The following IFT140 variants were observed in gnomAD, a reference collection of about 807,000 sequenced individuals.
IFT140 encodes intraflagellar transport protein 140 homolog.
A neutral mutation model predicts 164.6 loss-of-function variants in IFT140; 133 were observed. The observed-to-expected ratio is 0.81, with a 90% confidence interval of 0.70 to 0.93. The LOEUF (loss-of-function observed/expected upper bound fraction) is 0.93, where lower values mean the gene tolerates loss of function less well. Ranked by LOEUF, IFT140 falls within the 40% of genes least tolerant of loss-of-function variation. The pLI, the probability that IFT140 is intolerant of heterozygous loss-of-function variation, is 0.00. For synonymous variants in IFT140, 860 were observed against 817.3 expected (o/e 1.05, Z -0.89); for missense variants, 2,045 against 1,972.3 (o/e 1.04, Z -0.70).
intron 15 of IFT140, among the ~76,000 whole-genome samples, chr16:1,567,809 C>A (rs2033800457): frequency 6.6e-6 from 1 of 152,242 alleles, no homozygotes. Flanking sequence ...ACACCAACAT[C>A]ACCCTGCCTC....
intron 11 of IFT140, 132 bp from the exon 12 acceptor site, chr16:1,583,518 G>A: frequency 1.5e-6 from 1 of 663,980 alleles, no homozygotes; most frequent in Admixed American, 2.7e-5. Context: ...ACGACTATGA[G>A]ATCACTGGGT....
rs1170075614 is a variant in IFT140 at position 1,525,947 on chromosome 16, G to C, written c.2708C>G (p.Thr903Ser). ...EHHDRVHLRS[T>S]YHRYAGHLEA... ...CAGGTGCCCGGCATAGCGGTGGTAG[G>C]TGCTGCGCAGGTGCACGCGATCGTG... The change falls in exon 21 of 31, where the codon ACC becomes AGC. Residue 903 changes from threonine (T) to serine (S), a missense_variant. Thr to Ser is a moderately conservative substitution (Grantham distance 58, BLOSUM62 1). Coordinates refer to ENST00000426508, the MANE Select transcript of IFT140 (RefSeq NM_014714.4). 2.5e-6 allele frequency: 4 copies of C among 1,578,522 alleles called. No homozygotes were observed. The highest frequency in any genetic ancestry group is 3.4e-6 in the Non-Finnish European group (4 of 1,163,764).
intron 20 of IFT140, chr16:1,526,381 C>T: frequency 1.7e-6 from 1 of 582,854 alleles, no homozygotes; most frequent in East Asian, 3.0e-5. Flanking sequence ...CTCTCGGGCG[C>T]TCTGTTCCAG....
At chr16:1,568,844 T>C (rs777809180) in intron 14 of IFT140, among the ~76,000 whole-genome samples, 21 of 152,234 alleles carry the variant, frequency 1.4e-4, no homozygotes, top group Non-Finnish European at 1.5e-5. Flanking sequence ...CCGCGATTTT[T>C]CGTAGCACGT....
intron 6 of IFT140, among the ~76,000 whole-genome samples, chr16:1,591,591 A>G (rs1395065639): frequency 1.3e-5 from 2 of 152,172 alleles, no homozygotes; most frequent in African/African-American, 4.8e-5. Flanking sequence ...ACATGGCTGT[A>G]AGAGATGCGC....
intron 19 of IFT140, chr16:1,541,434 C>G: frequency 1.0e-6 from 1 of 985,412 alleles, no homozygotes; most frequent in African/African-American, 1.7e-5. Context: ...GCTTGGGGGT[C>G]GGGCAGCTGA....
At chr16:1,542,221 A>G in intron 19 of IFT140, 1 of 879,792 alleles carries the variant, frequency 1.1e-6, no homozygotes, top group East Asian at 3.0e-5. Flanking sequence ...GAGAAGCCCC[A>G]TGGGGCATCC....
chr16:1,593,321 T>C (rs1455152095), intron 4 of IFT140, among the ~76,000 whole-genome samples: 1 of 152,134 alleles, frequency 6.6e-6, no homozygotes, highest in East Asian at 1.9e-4. Context: ...TAAACTTTTT[T>C]TTTTTTTTGA....
chr16:1,574,667 T>C (rs981733957), intron 13 of IFT140, among the ~76,000 whole-genome samples: 56 of 152,190 alleles, frequency 3.7e-4, no homozygotes, highest in African/African-American at 1.3e-3. Flanking sequence ...CAACCCCAAC[T>C]GCCCTCAGGG....
intron 2 of IFT140, among the ~76,000 whole-genome samples, chr16:1,609,354 C>T (rs1386005253): frequency 6.6e-6 from 1 of 152,110 alleles, no homozygotes; most frequent in Admixed American, 6.5e-5. Flanking sequence ...TTCAAGGTTC[C>T]CCCCGGCTTT....
chr16:1,611,503 AAAG>A (rs1238501865), intron 1 of IFT140, among the ~76,000 whole-genome samples: 2 of 150,160 alleles, frequency 1.3e-5, no homozygotes, highest in African/African-American at 2.5e-5. Context: ...AAAAAAAAAA[AAAG>A]AAAAGAAAAA....
intron 4 of IFT140, among the ~76,000 whole-genome samples, chr16:1,601,918 G>C (rs569074218): frequency 1.3e-5 from 2 of 152,180 alleles, no homozygotes; most frequent in South Asian, 2.1e-4. Flanking sequence ...GCACCATGTC[G>C]CTATGCTGTG....
At chr16:1,588,804 T>G (rs1275240642) in intron 7 of IFT140, among the ~76,000 whole-genome samples, 1 of 152,108 alleles carries the variant, frequency 6.6e-6, no homozygotes, top group Non-Finnish European at 1.5e-5. Context: ...TAACCCCCAG[T>G]GCAACTGTAC....
chr16:1,524,665 G>A lies in IFT140; in HGVS notation c.3028C>T (p.Leu1010=). 5.1e-6 allele frequency: 8 copies of A among 1,578,590 alleles called. No individual in the cohort carries two copies. Among genetic ancestry groups the A allele is most frequent in the Non-Finnish European group, 6.9e-6 (8 of 1,157,356 alleles). ...CGGGCGAGGTGGTAGGAGGCCGCCA[G>A]GTTTCCTGTCTCGTTGGCTATTTGC... ...AAQIANETGN[L]AASYHLARQY... is the part of the protein sequence containing the mutation. The change falls in exon 24 of 31, where the codon CTG becomes TTG. Residue 1010 remains leucine (L), a synonymous_variant. Coordinates refer to ENST00000426508, the MANE Select transcript of IFT140 (RefSeq NM_014714.4).
chr16:1,579,438 A>T (rs573731245), intron 13 of IFT140: 1 of 152,374 alleles, frequency 6.6e-6, no homozygotes, highest in East Asian at 1.9e-4. Flanking sequence ...GGCAAGGTGG[A>T]AGAGCTGGAG....
chr16:1,515,785 A>G (rs2040317663), intron 30 of IFT140, among the ~76,000 whole-genome samples: 1 of 152,230 alleles, frequency 6.6e-6, no homozygotes, highest in Non-Finnish European at 1.5e-5. Context: ...AAAATTCATC[A>G]TCAGGAGATC....
chr16:1,543,391 C>T (rs189059543), intron 19 of IFT140, among the ~76,000 whole-genome samples: 187 of 152,330 alleles, frequency 1.2e-3, no homozygotes, highest in Middle Eastern at 3.4e-3. Flanking sequence ...GTGCCCTGAG[C>T]GAGTCAGGCC....
chr16:1,545,313 A>G (rs1386510672), intron 19 of IFT140, among the ~76,000 whole-genome samples: 1 of 151,658 alleles, frequency 6.6e-6, no homozygotes, highest in East Asian at 2.0e-4. Context: ...AGCAGCACCA[A>G]GAGGGCCCCT....
chr16:1,547,563 G>A (rs549802211), intron 19 of IFT140, among the ~76,000 whole-genome samples: 2 of 152,090 alleles, frequency 1.3e-5, no homozygotes, highest in African/African-American at 2.4e-5. Context: ...TCGAGATAGG[G>A]TCTCACTCCG....
Sources: allele counts gnomAD v4.1 joint callset (sites outside exome capture counted in the v4.1 genomes callset), GRCh38; gene constraint gnomAD v4.1.1; transcripts MANE v1.5; gene names NCBI Gene and HGNC (gene_info 2026-07-23, HGNC 2026-07-21).